ZMAT4: variants seen among roughly 807,000 people sequenced by gnomAD.
ZMAT4 encodes zinc finger matrin-type 4, also known as zinc finger matrin-type protein 4.
In ZMAT4, 17 loss-of-function variants were observed where a neutral mutation model predicts 28.7. The observed-to-expected ratio is 0.59, with a 90% CI of 0.41 to 0.89. The LOEUF (loss-of-function observed/expected upper bound fraction) is 0.89. Among genes scored for constraint, ZMAT4 ranks in the 40% least tolerant of loss-of-function variants. The pLI is 0.00. For missense variants in ZMAT4, 240 were observed against 283.8 expected (o/e 0.85, Z 1.11); for synonymous variants, 117 against 109.2 (o/e 1.07, Z -0.44).
At chr8:40,565,646 G>A (rs1312698482) in intron 6 of ZMAT4, among the ~76,000 whole-genome samples, 1 of 151,776 alleles carries the variant, frequency 6.6e-6, no homozygotes, top group Non-Finnish European at 1.5e-5. Context: ...CCAAAGTGCT[G>A]GGATTACATG....
intron 1 of ZMAT4, among the ~76,000 whole-genome samples, chr8:40,878,489 A>G (rs1026929093): frequency 2.0e-5 from 3 of 152,252 alleles, no homozygotes; most frequent in Non-Finnish European, 4.4e-5. Context: ...GAAACCAGAT[A>G]TATCAGAAGT....
intron 5 of ZMAT4, among the ~76,000 whole-genome samples, chr8:40,612,975 G>A (rs1468280045): frequency 1.3e-5 from 2 of 151,614 alleles, no homozygotes; most frequent in Non-Finnish European, 1.5e-5. Context: ...ACCAGGGCCG[G>A]CTAATTTTTG....
intron 1 of ZMAT4, among the ~76,000 whole-genome samples, chr8:40,839,256 G>A (rs761024387): frequency 7.2e-5 from 11 of 152,206 alleles, no homozygotes; most frequent in Admixed American, 1.3e-4. Flanking sequence ...GATCCCCAGA[G>A]GCTGGCGAGA....
intron 2 of ZMAT4, among the ~76,000 whole-genome samples, chr8:40,797,669 A>G (rs1284794604): frequency 6.6e-6 from 1 of 152,186 alleles, no homozygotes; most frequent in East Asian, 1.9e-4. Flanking sequence ...CTACCACTTG[A>G]CAGGTCATCG....
intron 5 of ZMAT4, among the ~76,000 whole-genome samples, chr8:40,659,522 A>T (rs1808091377): frequency 6.6e-6 from 1 of 152,170 alleles, no homozygotes; most frequent in South Asian, 2.1e-4. Context: ...AACAGAATGG[A>T]GAGGGGACAA....
At chr8:40,604,767 C>T (rs1054008219) in intron 5 of ZMAT4, among the ~76,000 whole-genome samples, 1 of 152,166 alleles carries the variant, frequency 6.6e-6, no homozygotes, top group East Asian at 1.9e-4. Flanking sequence ...TCCTCCTTCT[C>T]TATCTTTTGG....
chr8:40,838,774 A>C (rs1438059084), intron 1 of ZMAT4, among the ~76,000 whole-genome samples: 1 of 152,152 alleles, frequency 6.6e-6, no homozygotes, highest in African/African-American at 2.4e-5. Context: ...AACAAAAGAC[A>C]TGAACAGTTA....
At chr8:40,585,301 T>A (rs1804629896) in intron 5 of ZMAT4, among the ~76,000 whole-genome samples, 2 of 152,104 alleles carry the variant, frequency 1.3e-5, no homozygotes, top group South Asian at 4.2e-4. Context: ...AACTGCCAGT[T>A]CAGAGATAAA....
intron 2 of ZMAT4, among the ~76,000 whole-genome samples, chr8:40,817,950 CT>C (rs1815608701): frequency 6.6e-6 from 1 of 152,206 alleles, no homozygotes; most frequent in South Asian, 2.1e-4. Context: ...GGCTATGTGA[CT>C]GAGTGCTAGC....
In ZMAT4 at chr8:40,789,402, GA is replaced by G. The variant is rs1413606667; in HGVS notation, c.103-21673del. On this transcript the variant is annotated intron_variant, in intron 2 of 6. Transcript: ENST00000297737. The stretch of plus-strand genomic sequence containing the variant: ...AGTTCTAGCCAGCATGATAAGGCAA[GA>G]AAAAGAAATTCAGTGCATCAAAATT... 2.6e-5 allele frequency among the ~76,000 whole-genome samples: 4 copies of G among 152,070 alleles called. No homozygotes were observed. The East Asian group carries it at 7.7e-4, about 29-fold the overall frequency.
At chr8:40,854,766 G>A (rs747301040) in intron 1 of ZMAT4, among the ~76,000 whole-genome samples, 3 of 152,114 alleles carry the variant, frequency 2.0e-5, no homozygotes, top group Non-Finnish European at 4.4e-5. Context: ...AAAACAGTAC[G>A]GAAGGGAAAG....
intron 1 of ZMAT4, among the ~76,000 whole-genome samples, chr8:40,855,144 T>C (rs1817251880): frequency 6.6e-6 from 1 of 152,134 alleles, no homozygotes; most frequent in South Asian, 2.1e-4. Flanking sequence ...GACACTAGAC[T>C]TCAAAAATTG....
At chr8:40,633,827 A>T (rs1243658605) in intron 5 of ZMAT4, among the ~76,000 whole-genome samples, 1 of 152,214 alleles carries the variant, frequency 6.6e-6, no homozygotes, top group Non-Finnish European at 1.5e-5. Flanking sequence ...TGTCCACTAC[A>T]TCTGCAGGGG....
chr8:40,612,746 T>C (rs1285330630), intron 5 of ZMAT4, among the ~76,000 whole-genome samples: 1 of 135,808 alleles, frequency 7.4e-6, no homozygotes, highest in African/African-American at 2.5e-5. Flanking sequence ...AAAAACATGT[T>C]CCTTATATTT....
chr8:40,820,905 G>GTATGTA (rs1160413260), intron 2 of ZMAT4, among the ~76,000 whole-genome samples: 13 of 102,286 alleles, frequency 1.3e-4, no homozygotes, highest in Non-Finnish European at 2.4e-4. Flanking sequence ...GTGTGTGTTT[G>GTATGTA]TGTGTATGTG....
chr8:40,631,447 C>T (rs567252932), intron 5 of ZMAT4, among the ~76,000 whole-genome samples: 3 of 152,250 alleles, frequency 2.0e-5, no homozygotes, highest in East Asian at 1.9e-4. Flanking sequence ...CGTGAGCCAC[C>T]GCACCAGGCC....
chr8:40,553,403 T>C (rs1803426202), intron 6 of ZMAT4, among the ~76,000 whole-genome samples: 1 of 152,194 alleles, frequency 6.6e-6, no homozygotes, highest in African/African-American at 2.4e-5. Flanking sequence ...GTTTTGAAGT[T>C]CATTAAAAGT....
intron 4 of ZMAT4, among the ~76,000 whole-genome samples, chr8:40,694,106 C>A (rs1809773325): frequency 6.6e-6 from 1 of 152,040 alleles, no homozygotes; most frequent in African/African-American, 2.4e-5. Context: ...CAATTTCAAG[C>A]CAGCTTGGTT....
intron 1 of ZMAT4, among the ~76,000 whole-genome samples, chr8:40,848,741 G>A (rs950910492): frequency 7.9e-5 from 12 of 152,066 alleles, no homozygotes; most frequent in Non-Finnish European, 1.0e-4. Context: ...ATAAATGGTC[G>A]CTACTATTAT....
Sources: allele counts gnomAD v4.1 joint callset (sites outside exome capture counted in the v4.1 genomes callset), GRCh38; gene constraint gnomAD v4.1.1; transcripts MANE v1.5; gene names NCBI Gene and HGNC (gene_info 2026-07-23, HGNC 2026-07-21).